Variants in LPIN2 observed in about 807,000 individuals in gnomAD.
LPIN2 encodes the protein lipin 2.
Under a neutral mutation model 111.4 loss-of-function variants are expected in LPIN2, and 55 were observed. The observed-to-expected ratio is 0.49, with a 90% CI of 0.40 to 0.62. LPIN2 has a LOEUF of 0.62. LPIN2 is among the 20% of genes least tolerant of loss of function. The probability of loss-of-function intolerance (pLI) is 0.00; values close to 1 mark genes in which losing one functional copy is unlikely to be tolerated. For synonymous variants in LPIN2, 425 were observed against 414.0 expected (o/e 1.03, Z -0.32); for missense variants, 992 against 1,112.1 (o/e 0.89, Z 1.54).
Position 2,946,642 on chromosome 18 carries a change from A to C in LPIN2, c.590+4413T>G, listed in dbSNP as rs563867290. Reference sequence around the variant, plus strand: ...CCAGTCTCCATACCTCAGTTTTTTAAAGTGAGAAAAAAATCAATTGAATGC... The same window carrying C: ...CCAGTCTCCATACCTCAGTTTTTTACAGTGAGAAAAAAATCAATTGAATGC... On this transcript the variant is annotated intron_variant, in intron 4 of 19. Transcript: ENST00000677752. 4 of 662,942 alleles carry C rather than the reference A, an allele frequency of 6.0e-6. No homozygotes were observed. In the Admixed American group the frequency reaches 1.1e-4, roughly 18 times the overall value. 41.1% of individuals were successfully genotyped at this position (662,942 alleles called of 1,614,324 possible).
chr18:3,004,620 C>T (rs117409104), intron 1 of LPIN2, among the ~76,000 whole-genome samples: 11 of 152,214 alleles, frequency 7.2e-5, no homozygotes, highest in East Asian at 5.8e-4. Context: ...GTCAAAATTA[C>T]GAGGGAAAAT....
chr18:2,946,753 A>AT, intron 4 of LPIN2: 1 of 528,572 alleles, frequency 1.9e-6, no homozygotes, highest in Non-Finnish European at 3.5e-6. Flanking sequence ...TATGGAACAG[A>AT]TAAGTGGGGC....
intron 19 of LPIN2, 27 bp from the exon 20 acceptor site, chr18:2,920,464 C>G (rs745642226): frequency 6.2e-7 from 1 of 1,613,064 alleles, no homozygotes; most frequent in South Asian, 1.1e-5. Flanking sequence ...GGAAGAGGCA[C>G]AGGCTATTAC....
rs1248979267 is a variant in LPIN2 at position 2,921,578 on chromosome 18, G to C, written c.2397C>G (p.Ala799=). Residue 799 remains alanine, a synonymous_variant, in exon 18 of 20, where the codon GCC becomes GCG. Coordinates refer to ENST00000677752, the MANE Select transcript of LPIN2 (RefSeq NM_001375808.2). ...CAGCATAGAAGGGCTGCTTAGACGGGGCAAACAGATTCTTGATATCATTTA... is the reference window on the plus strand; with the variant it reads ...CAGCATAGAAGGGCTGCTTAGACGGCGCAAACAGATTCTTGATATCATTTA... ...ECLNDIKNLF[A]PSKQPFYAAF... is the part of the protein sequence containing the mutation. The C allele has an allele frequency of 2.5e-6, 4 of 1,614,078 alleles. No homozygotes were observed. In the South Asian group the frequency reaches 3.3e-5, roughly 13 times the overall value.
chr18:2,956,166 A>G (rs1211331771), intron 2 of LPIN2, among the ~76,000 whole-genome samples: 1 of 152,254 alleles, frequency 6.6e-6, no homozygotes, highest in African/African-American at 2.4e-5. Context: ...TGAGTAACTA[A>G]GCAGATATAC....
At chr18:2,926,585 G>T (rs1437408663) in intron 13 of LPIN2, 138 bp downstream of exon 13, 2 of 723,006 alleles carry the variant, frequency 2.8e-6, no homozygotes, top group Non-Finnish European at 4.8e-6. Context: ...TCTGCTGAGT[G>T]GCACAAATAT....
At chr18:2,933,584 ATCTT>A (rs2077243993) in intron 8 of LPIN2, among the ~76,000 whole-genome samples, 1 of 152,248 alleles carries the variant, frequency 6.6e-6, no homozygotes, top group South Asian at 2.1e-4. Context: ...TATCAATCCC[ATCTT>A]TCTATTCCAA....
chr18:2,964,358 A>C (rs974429967), intron 1 of LPIN2, among the ~76,000 whole-genome samples: 4 of 147,336 alleles, frequency 2.7e-5, no homozygotes, highest in African/African-American at 7.5e-5. Context: ...TCTGTCCCCC[A>C]CCACCACCAA....
At chr18:2,930,208 G>A (rs1483648892) in intron 9 of LPIN2, among the ~76,000 whole-genome samples, 3 of 152,100 alleles carry the variant, frequency 2.0e-5, no homozygotes, top group Non-Finnish European at 4.4e-5. Flanking sequence ...ACTAGACTAA[G>A]TCACCAATAT....
intron 6 of LPIN2, 137 bp downstream of exon 6, chr18:2,939,343 A>T: frequency 2.0e-6 from 2 of 1,007,298 alleles, no homozygotes; most frequent in Non-Finnish European, 3.1e-6. Flanking sequence ...CTTTGAATTT[A>T]CTTTTATGAC....
At chr18:3,001,808 G>C (rs972305842) in intron 1 of LPIN2, among the ~76,000 whole-genome samples, 1 of 152,034 alleles carries the variant, frequency 6.6e-6, no homozygotes, top group African/African-American at 2.4e-5. Context: ...AAATACTTAA[G>C]ATTTTAAAAG....
chr18:2,996,424 T>G (rs1375286898), intron 1 of LPIN2, among the ~76,000 whole-genome samples: 1 of 151,502 alleles, frequency 6.6e-6, no homozygotes, highest in South Asian at 2.1e-4. Flanking sequence ...ATGGTGACGT[T>G]GCAGAAAAGA....
chr18:2,917,443 C>T lies in LPIN2; in HGVS notation c.*2850G>A, dbSNP rs1006232421. The T allele has an allele frequency of 1.3e-5, 2 of 152,336 alleles. No individual in the cohort carries two copies. Among genetic ancestry groups the T allele is most frequent in the East Asian group, 3.9e-4 (2 of 5,190 alleles). The allele number at this position is 152,336 out of a possible 1,614,324, so 9.4% of individuals were successfully genotyped here. On this transcript the variant is annotated 3_prime_UTR_variant, in exon 20 of 20. Coordinates refer to ENST00000677752, the MANE Select transcript of LPIN2 (RefSeq NM_001375808.2). ...GTTTATTCTTTAAAGGGTTGGCCTG[C>T]ACCTGCAGTGCCAACTGTGGAAGGG...
intron 1 of LPIN2, among the ~76,000 whole-genome samples, chr18:3,000,666 A>C (rs2078421349): frequency 6.6e-6 from 1 of 152,186 alleles, no homozygotes; most frequent in African/African-American, 2.4e-5. Context: ...GGATTGATAA[A>C]TACCCACTAC....
intron 1 of LPIN2, among the ~76,000 whole-genome samples, chr18:3,012,310 T>C (rs775460377): frequency 6.6e-5 from 10 of 152,232 alleles, no homozygotes; most frequent in Non-Finnish European, 8.8e-5. Flanking sequence ...GGGTGATCTT[T>C]CTGGTACTGG....
intron 1 of LPIN2, among the ~76,000 whole-genome samples, chr18:2,986,679 C>G (rs1169240605): frequency 3.3e-5 from 5 of 152,074 alleles, no homozygotes; most frequent in Admixed American, 6.5e-5. Context: ...AGCTTAGGAC[C>G]AAACAACCTC....
In LPIN2 at chr18:2,921,576, G is replaced by A. The variant is rs748431474; in HGVS notation, c.2399C>T (p.Pro800Leu). 5.6e-5 allele frequency: 90 copies of A among 1,613,946 alleles called. No homozygotes were observed. The highest frequency in any genetic ancestry group is 1.5e-4 in the South Asian group (14 of 91,086). Residue 800 changes from proline to leucine, a missense_variant, in exon 18 of 20, where the codon CCG becomes CTG. Coordinates refer to ENST00000677752, the MANE Select transcript of LPIN2 (RefSeq NM_001375808.2). ...GGCAGCATAGAAGGGCTGCTTAGACGGGGCAAACAGATTCTTGATATCATT... is the reference window on the plus strand; with the variant it reads ...GGCAGCATAGAAGGGCTGCTTAGACAGGGCAAACAGATTCTTGATATCATT... ...CLNDIKNLFAPSKQPFYAAFG... is the reference protein window; with the variant it reads ...CLNDIKNLFALSKQPFYAAFG...
Position 2,920,884 on chromosome 18 carries a change from G to T in LPIN2, c.2443-3C>A, listed in dbSNP as rs1212409855. 5 of 1,602,918 alleles carry T rather than the reference G, an allele frequency of 3.1e-6. No individual in the cohort carries two copies. The highest frequency in any genetic ancestry group is 3.4e-6 in the Non-Finnish European group (4 of 1,169,820). ...ACTTGTGTGTAGGCATAGACATCCT[G>T]CAGAAGAAAATAGCAAGCGGGTGAT... On this transcript the variant is annotated splice_polypyrimidine_tract_variant and splice_region_variant and intron_variant, in intron 18 of 19. Coordinates refer to ENST00000677752, the MANE Select transcript of LPIN2 (RefSeq NM_001375808.2).
rs2077119419 is a variant in LPIN2, at chr18:2,925,605, T to C, written c.1794-237A>G. ...TTACTTTCTGACTATGACCTGCTAT[T>C]TTCTGCTATGCCCAGTGAATGCTAG... is the stretch of plus-strand genomic sequence containing the variant. On this transcript the variant is annotated intron_variant, in intron 13 of 19. Transcript: ENST00000677752. This position sits in a 1 kb window ranked among gnomAD's most constrained non-coding sequence, Gnocchi z 4.1. Among the ~76,000 whole-genome samples the C allele has an allele frequency of 6.6e-6, 1 of 152,218 alleles. No homozygotes were observed. Among genetic ancestry groups the C allele is most frequent in the Non-Finnish European group, 1.5e-5 (1 of 68,032 alleles).
Sources: gnomAD v4.1 joint callset for allele counts (sites outside exome capture counted in the v4.1 genomes callset) on GRCh38, gnomAD v4.1.1 for gene constraint, Gnocchi (gnomAD v3.1) non-coding constraint, MANE v1.5 for transcripts, NCBI Gene and HGNC (gene_info 2026-07-23, HGNC 2026-07-21) for gene names.